PTPN1: variants seen among roughly 807,000 people sequenced by gnomAD.
The protein encoded by PTPN1 is tyrosine-protein phosphatase non-receptor type 1.
PTPN1 carries 12 observed loss-of-function variants against 59.9 expected under a neutral mutation model. That is an observed-to-expected ratio of 0.20 (90% confidence interval 0.13 to 0.32). PTPN1 has a LOEUF of 0.32. PTPN1 is among the 10% of genes least tolerant of loss of function. The pLI, the probability that PTPN1 is intolerant of heterozygous loss-of-function variation, is 1.00. For synonymous variants in PTPN1, 178 were observed against 203.6 expected, an observed-to-expected ratio of 0.87 and a Z score of 1.07; for missense variants, 356 against 549.2, an observed-to-expected ratio of 0.65 and a Z score of 3.52.
At chr20:50,530,060 A>G (rs929188166) in intron 1 of PTPN1, among the ~76,000 whole-genome samples, 1 of 151,608 alleles carries the variant, frequency 6.6e-6, no homozygotes, top group African/African-American at 2.4e-5. Context: ...TTTTTAGTAG[A>G]GACAGGTTTC....
Position 50,575,357 on chromosome 20 carries a change from C to T in PTPN1, c.492+703C>T, listed in dbSNP as rs954769690. 2.6e-5 allele frequency among the ~76,000 whole-genome samples: 4 copies of T among 152,134 alleles called. 1 individual carries two copies. In the East Asian group the frequency reaches 7.7e-4, roughly 29 times the overall value. ...AACCTAACTGGGGTCGAATCCTGGC[C>T]CCACCTTACTAGCTCATCACAGTGT... On this transcript the variant is annotated intron_variant, in intron 5 of 9. Transcript: ENST00000371621.
At chr20:50,573,049 C>T (rs780660264) in intron 4 of PTPN1, 1 of 152,276 alleles carries the variant, frequency 6.6e-6, no homozygotes, top group Non-Finnish European at 1.5e-5. Context: ...GATGCTGGCA[C>T]CACAACCTGG....
intron 1 of PTPN1, among the ~76,000 whole-genome samples, chr20:50,553,913 T>C (rs955005718): frequency 6.6e-6 from 1 of 152,064 alleles, no homozygotes; most frequent in African/African-American, 2.4e-5. Context: ...TATATGAGAA[T>C]ATACCCAAGG....
intron 1 of PTPN1, among the ~76,000 whole-genome samples, chr20:50,545,336 A>G (rs2082670426): frequency 6.6e-6 from 1 of 152,158 alleles, no homozygotes; most frequent in Admixed American, 6.5e-5. Flanking sequence ...ATAGGAAACC[A>G]CAGGCTGTAG....
chr20:50,538,520 C>T (rs942103855), intron 1 of PTPN1, among the ~76,000 whole-genome samples: 2 of 152,164 alleles, frequency 1.3e-5, no homozygotes, highest in African/African-American at 2.4e-5. Flanking sequence ...TCGCTGTTTA[C>T]GTTTGCGTGT....
intron 1 of PTPN1, among the ~76,000 whole-genome samples, chr20:50,530,473 C>T (rs1164986979): frequency 2.0e-5 from 3 of 152,068 alleles, no homozygotes; most frequent in Non-Finnish European, 4.4e-5. Context: ...AATCTCCTGC[C>T]TCAGCCTCCT....
In PTPN1 at chr20:50,582,828, C is replaced by A. The variant is rs545148155; in HGVS notation, c.*113C>A. On this transcript the variant is annotated 3_prime_UTR_variant, in exon 10 of 10. Transcript: ENST00000371621. The surrounding 1 kb of genome is among the most constrained non-coding windows in gnomAD (Gnocchi z 4.2). ...AGGGCCGCCGGACCGCGTAGAGAGCCGGGCCCCGGACGGACGTTGGTTCTG... is the reference window on the plus strand; with the variant it reads ...AGGGCCGCCGGACCGCGTAGAGAGCAGGGCCCCGGACGGACGTTGGTTCTG... 1.5e-6 allele frequency: 2 copies of A among 1,352,502 alleles called. No individual in the cohort carries two copies. The highest frequency in any genetic ancestry group is 2.9e-5 in the African/African-American group (2 of 69,708). The allele number at this position is 1,352,502 out of a possible 1,614,324, so 83.8% of individuals were successfully genotyped here. A position where few individuals can be genotyped will look rare whatever the true frequency, so the allele number is the denominator to read the frequency against.
chr20:50,542,295 T>C (rs2082656598), intron 1 of PTPN1, among the ~76,000 whole-genome samples: 1 of 152,250 alleles, frequency 6.6e-6, no homozygotes, highest in African/African-American at 2.4e-5. Context: ...GAATGTATCT[T>C]AGTGAAATTT....
intron 1 of PTPN1, among the ~76,000 whole-genome samples, chr20:50,536,421 A>C (rs957149708): frequency 7.2e-5 from 11 of 152,236 alleles, no homozygotes; most frequent in African/African-American, 2.4e-4. Context: ...ACAAATGATT[A>C]ATTTTAATTG....
intron 1 of PTPN1, among the ~76,000 whole-genome samples, chr20:50,530,931 T>G (rs2122736159): frequency 6.6e-6 from 1 of 152,198 alleles, no homozygotes; most frequent in East Asian, 1.9e-4. Context: ...CTACAACTCT[T>G]GGGCTCAAGC....
At chr20:50,548,645 A>T (rs987382944) in intron 1 of PTPN1, among the ~76,000 whole-genome samples, 4 of 152,018 alleles carry the variant, frequency 2.6e-5, no homozygotes, top group African/African-American at 9.7e-5. Context: ...GGCTCATGTG[A>T]TCTGCCCTTC....
In PTPN1 at chr20:50,579,748, G is replaced by GAGCATATCCCCCCACCTC. The variant is rs757848496; in HGVS notation, c.911_928dup (p.Pro309_Pro310insGlnHisIleProProPro). ...CCACGAGGACCTGGAGCCCCCACCCGAGCATATCCCCCCACCTCCCCGGCC... is the reference window on the plus strand; with the variant it reads ...CCACGAGGACCTGGAGCCCCCACCCGAGCATATCCCCCCACCTCAGCATATCCCCCCACCTCCCCGGCC... On this transcript the variant is annotated inframe_insertion, in exon 8 of 10. Coordinates refer to ENST00000371621, the MANE Select transcript of PTPN1 (RefSeq NM_002827.4). 2.5e-5 allele frequency: 40 copies of GAGCATATCCCCCCACCTC among 1,611,950 alleles called. No homozygotes were observed. In the South Asian group the frequency reaches 3.5e-4, roughly 14 times the overall value.
At chr20:50,555,832 G>A (rs542757850) in intron 1 of PTPN1, among the ~76,000 whole-genome samples, 15 of 151,136 alleles carry the variant, frequency 9.9e-5, no homozygotes, top group East Asian at 3.9e-4. Context: ...CTGTTATTTC[G>A]GCCCTTATTT....
Position 50,581,404 on chromosome 20 carries a change from C to T in PTPN1, c.1228C>T (p.Leu410=), listed in dbSNP as rs963641001. ...DHALSYWKPF[L]VNMCVATVLT... is the part of the protein sequence containing the mutation. ...TGCACTGAGTTACTGGAAGCCCTTCCTGGTCAACATGTGCGTGGCTACGGT... is the reference window on the plus strand; with the variant it reads ...TGCACTGAGTTACTGGAAGCCCTTCTTGGTCAACATGTGCGTGGCTACGGT... The change falls in exon 9 of 10, where the codon CTG becomes TTG. Residue 410 remains leucine, a synonymous_variant. Coordinates refer to ENST00000371621, the MANE Select transcript of PTPN1 (RefSeq NM_002827.4). 2 of 1,613,882 alleles carry T rather than the reference C, an allele frequency of 1.2e-6. No individual in the cohort carries two copies. Among genetic ancestry groups the T allele is most frequent in the African/African-American group, 2.7e-5 (2 of 74,924 alleles).
intron 1 of PTPN1, among the ~76,000 whole-genome samples, chr20:50,530,346 A>G (rs971434152): frequency 1.3e-5 from 2 of 151,736 alleles, no homozygotes; most frequent in South Asian, 2.1e-4. Context: ...TGCTTTTTTA[A>G]AAAATGTTTT....
At chr20:50,574,947 A>G (rs1006520254) in intron 5 of PTPN1, 5 of 335,870 alleles carry the variant, frequency 1.5e-5, no homozygotes, top group Non-Finnish European at 2.7e-5. Flanking sequence ...CTGCAGAGGG[A>G]CTGGAGCGGC....
rs564605668 is a variant in PTPN1, at chr20:50,544,780, G to T, written c.64-16583G>T. Among the ~76,000 whole-genome samples, 14 of 152,140 alleles carry T rather than the reference G, an allele frequency of 9.2e-5. No homozygotes were observed. In the South Asian group the frequency reaches 2.7e-3, roughly 29 times the overall value. On this transcript the variant is annotated intron_variant, in intron 1 of 9. Transcript: ENST00000371621. ...CACACTTTGGGAGGCTGAGGTGGGC[G>T]GATCACCTGAGGTCAGGAGTTCGAG...
Position 50,581,443 on chromosome 20 carries a change from G to A in PTPN1, c.1267G>A (p.Ala423Thr), listed in dbSNP as rs367996563. 1.2e-6 allele frequency: 2 copies of A among 1,610,850 alleles called. No individual in the cohort carries two copies. The highest frequency in any genetic ancestry group is 1.1e-5 in the South Asian group (1 of 91,006). The change falls in exon 9 of 10, where the codon GCT becomes ACT. Residue 423 changes from alanine (A) to threonine (T), a missense_variant. By Grantham distance (58) the Ala-to-Thr change is moderately conservative. Around this residue, in one of 3 missense-constraint regions of PTPN1, gnomAD observed 62 missense variants for 97.2 expected, o/e 0.64. Coordinates refer to ENST00000371621, the MANE Select transcript of PTPN1 (RefSeq NM_002827.4). ...MCVATVLTAG[A>T]YLCYRFLFNS... is the part of the protein sequence containing the mutation. ...CGTGGCTACGGTCCTCACGGCCGGC[G>A]CTTACCTCTGCTACAGGGTATGTTT...
intron 1 of PTPN1, among the ~76,000 whole-genome samples, chr20:50,531,871 C>G (rs2122737339): frequency 6.6e-6 from 1 of 152,336 alleles, no homozygotes; most frequent in East Asian, 1.9e-4. Context: ...ACGGCTACCA[C>G]TAGCAATTAC....
Sources: allele counts gnomAD v4.1 joint callset (sites outside exome capture counted in the v4.1 genomes callset), GRCh38; gene constraint gnomAD v4.1.1; regional missense constraint gnomAD v4.1.1; non-coding constraint Gnocchi (gnomAD v3.1); transcripts MANE v1.5; gene names NCBI Gene and HGNC (gene_info 2026-07-23, HGNC 2026-07-21).